PRUNE2: variants seen among roughly 807,000 people sequenced by gnomAD.
PRUNE2 encodes protein prune homolog 2.
Under a neutral mutation model 252.0 loss-of-function variants are expected in PRUNE2, and 164 were observed. The observed-to-expected ratio is 0.65, with a 90% CI of 0.57 to 0.74. PRUNE2 has a LOEUF of 0.74. Ranked by LOEUF, PRUNE2 falls within the 30% of genes least tolerant of loss-of-function variation. The pLI, the probability that PRUNE2 is intolerant of heterozygous loss-of-function variation, is 0.00. For missense variants in PRUNE2, 3,495 were observed against 3,711.0 expected (o/e 0.94, Z 1.51); for synonymous variants, 1,292 against 1,350.2 (o/e 0.96, Z 0.94).
intron 1 of PRUNE2, among the ~76,000 whole-genome samples, chr9:76,875,578 C>A (rs562430287): frequency 7.9e-5 from 12 of 152,188 alleles, no homozygotes; most frequent in Middle Eastern, 3.4e-3. Context: ...ATTGGCCAGG[C>A]TGGTCTCAAA....
intron 12 of PRUNE2, chr9:76,641,828 A>G (rs1842705302): frequency 2.0e-6 from 2 of 1,002,422 alleles, no homozygotes; most frequent in Admixed American, 2.9e-5. Context: ...ATGTAACACA[A>G]GTTTGCTGGC....
chr9:76,769,401 C>T (rs1045515760), intron 6 of PRUNE2, among the ~76,000 whole-genome samples: 1 of 152,166 alleles, frequency 6.6e-6, no homozygotes, highest in Admixed American at 6.5e-5. Flanking sequence ...TATTGATGGA[C>T]ATTAAGGTTG....
At chr9:76,861,337 T>C (rs2060533583) in intron 1 of PRUNE2, among the ~76,000 whole-genome samples, 1 of 152,232 alleles carries the variant, frequency 6.6e-6, no homozygotes, top group Non-Finnish European at 1.5e-5. Flanking sequence ...TCCAACACCA[T>C]TCTCTCCCTC....
At chr9:76,731,732 T>C (rs2048628577) in intron 6 of PRUNE2, among the ~76,000 whole-genome samples, 1 of 152,156 alleles carries the variant, frequency 6.6e-6, no homozygotes, top group African/African-American at 2.4e-5. Flanking sequence ...ATTGGTACAC[T>C]TATTATTTAG....
rs577799093 is a variant in PRUNE2, at chr9:76,816,040, T to C, written c.756+7592A>G. 3.3e-5 allele frequency among the ~76,000 whole-genome samples: 5 copies of C among 151,558 alleles called. No homozygotes were observed. The South Asian group carries it at 1.0e-3, about 32-fold the overall frequency. On this transcript the variant is annotated intron_variant, in intron 6 of 18. Coordinates refer to ENST00000376718, the MANE Select transcript of PRUNE2 (RefSeq NM_015225.3). ...AGCTGGTCGTGGTGGCGGGCACCTG[T>C]AATCCCAGCTACTCAGGAGGCTGAG...
intron 1 of PRUNE2, among the ~76,000 whole-genome samples, chr9:76,866,056 T>C (rs750580536): frequency 2.0e-5 from 3 of 152,236 alleles, no homozygotes; most frequent in Non-Finnish European, 2.9e-5. Flanking sequence ...TGCAATAATT[T>C]CATTTTTAAA....
chr9:76,768,155 GCTATACCTTGCC>G (rs1338883416), intron 6 of PRUNE2, among the ~76,000 whole-genome samples: 1 of 151,840 alleles, frequency 6.6e-6, no homozygotes, highest in Non-Finnish European at 1.5e-5. Context: ...AGAAAGCTTG[GCTATACCTTGCC>G]CTTGAACTAG....
At chr9:76,767,982 C>G (rs2052607871) in intron 6 of PRUNE2, among the ~76,000 whole-genome samples, 1 of 152,142 alleles carries the variant, frequency 6.6e-6, no homozygotes, top group Non-Finnish European at 1.5e-5. Flanking sequence ...CTGATCTTCC[C>G]TGTTCTTTCT....
chr9:76,629,212 G>A lies in PRUNE2; in HGVS notation c.9129C>T (p.His3043=), dbSNP rs1836335333. 5 of 1,600,938 alleles carry A rather than the reference G, an allele frequency of 3.1e-6. No homozygotes were observed. Among genetic ancestry groups the A allele is most frequent in the African/African-American group, 1.3e-5 (1 of 74,388 alleles). Residue 3043 remains histidine (H), a synonymous_variant, in exon 16 of 19, where the codon CAC becomes CAT. Coordinates refer to ENST00000376718, the MANE Select transcript of PRUNE2 (RefSeq NM_015225.3). Reference sequence around the variant, plus strand: ...CTTACTTGATGATGCTCTCTGGAATGTGGATGCAATCCATTGGGATCAGCC... The same window carrying A: ...CTTACTTGATGATGCTCTCTGGAATATGGATGCAATCCATTGGGATCAGCC... ...LSGLIPMDCI[H]IPESIIKLDE... is the part of the protein sequence containing the mutation.
At chr9:76,645,634 T>G (rs1408284795) in intron 11 of PRUNE2, among the ~76,000 whole-genome samples, 1 of 151,966 alleles carries the variant, frequency 6.6e-6, no homozygotes, top group African/African-American at 2.4e-5. Context: ...AAATTTACTC[T>G]TGTGCATTTA....
chr9:76,629,150 A>T, intron 16 of PRUNE2, 42 bp downstream of exon 16: 1 of 1,251,864 alleles, frequency 8.0e-7, no homozygotes, highest in Non-Finnish European at 1.1e-6. Flanking sequence ...GCCTCAAACT[A>T]GTACTATTTC....
At chr9:76,690,990 T>G (rs968459779) in intron 9 of PRUNE2, among the ~76,000 whole-genome samples, 54 of 152,346 alleles carry the variant, frequency 3.5e-4, no homozygotes, top group Middle Eastern at 3.4e-3. Context: ...ATGGGTCATT[T>G]TTTTGATTGC....
In PRUNE2 at chr9:76,710,473, G is replaced by C; in HGVS notation, c.1801C>G (p.Leu601Val). 6.2e-7 allele frequency: 1 copy of C among 1,613,944 alleles called. No homozygotes were observed. Among genetic ancestry groups the C allele is most frequent in the Non-Finnish European group, 8.5e-7 (1 of 1,179,884 alleles). Residue 601 changes from leucine to valine, a missense_variant, in exon 8 of 19, where the codon CTA becomes GTA. Coordinates refer to ENST00000376718, the MANE Select transcript of PRUNE2 (RefSeq NM_015225.3). ...VGDESPSPER[L>V]KNTGKRIPPT... Reference sequence around the variant, plus strand: ...GGGATCCTCTTTCCAGTATTTTTTAGCCTTTCTGGGGAAGGGGATTCATCT... The same window carrying C: ...GGGATCCTCTTTCCAGTATTTTTTACCCTTTCTGGGGAAGGGGATTCATCT...
chr9:76,897,390 CTTTTTTTTTTTTTTTTTTT>C (rs55702049), intron 1 of PRUNE2, among the ~76,000 whole-genome samples: 19 of 56,298 alleles, frequency 3.4e-4, no homozygotes, highest in Admixed American at 7.5e-4. Flanking sequence ...AGGCAAACCT[CTTTTTTTTTTTTTTTTTTT>C]TTTTTTTTTT....
chr9:76,903,669 C>A (rs768621693), intron 1 of PRUNE2, among the ~76,000 whole-genome samples: 35 of 152,150 alleles, frequency 2.3e-4, no homozygotes, highest in Admixed American at 4.6e-4. Context: ...CTCACTGCAA[C>A]CTCCGCCTCC....
intron 6 of PRUNE2, among the ~76,000 whole-genome samples, chr9:76,821,203 C>T (rs2058022054): frequency 1.3e-5 from 2 of 152,096 alleles, no homozygotes; most frequent in South Asian, 4.1e-4. Flanking sequence ...CTTGGTTGAC[C>T]ATGCTTTGGA....
chr9:76,832,900 G>A (rs2132141495), intron 4 of PRUNE2, among the ~76,000 whole-genome samples: 1 of 152,086 alleles, frequency 6.6e-6, no homozygotes, highest in Middle Eastern at 3.4e-3. Flanking sequence ...TAACAACTTG[G>A]TTTTAATAAG....
rs181413305 is a variant in PRUNE2 at position 76,826,519 on chromosome 9, T to C, written c.661+61A>G. 1.8e-4 allele frequency: 222 copies of C among 1,236,506 alleles called. 2 individuals are homozygous for C. The East Asian group carries it at 3.6e-3, about 20-fold the overall frequency. The allele number at this position is 1,236,506 out of a possible 1,614,324, so 76.6% of individuals were successfully genotyped here. A position where few individuals can be genotyped will look rare whatever the true frequency, so the allele number is the denominator to read the frequency against. ...TATACCTTCTCAGGTCTGATGATGC[T>C]CCATGCCACAAACCATCCCTACTCG... On this transcript the variant is annotated intron_variant, in intron 5 of 18. Transcript: ENST00000376718.
At chr9:76,624,210 G>A (rs906470288) in intron 17 of PRUNE2, among the ~76,000 whole-genome samples, 4 of 152,040 alleles carry the variant, frequency 2.6e-5, no homozygotes, top group African/African-American at 4.8e-5. Flanking sequence ...CTAGAATTGC[G>A]TGTACATTAA....
Sources: gnomAD v4.1 joint callset for allele counts (sites outside exome capture counted in the v4.1 genomes callset) on GRCh38, gnomAD v4.1.1 for gene constraint, MANE v1.5 for transcripts, NCBI Gene and HGNC (gene_info 2026-07-23, HGNC 2026-07-21) for gene names.